The following CACNG2 variants were observed in gnomAD, a reference collection of about 807,000 sequenced individuals.
CACNG2 encodes the protein voltage-dependent calcium channel gamma-2 subunit.
CACNG2 carries 3 observed loss-of-function variants against 25.9 expected under a neutral mutation model. The ratio of observed to expected loss-of-function variants is 0.12; its 90% CI spans 0.05 to 0.30. CACNG2 has a LOEUF of 0.30. CACNG2 is among the 10% of genes least tolerant of loss of function. The probability of loss-of-function intolerance (pLI) is 1.00; values close to 1 mark genes in which losing one functional copy is unlikely to be tolerated. For missense variants in CACNG2, 341 were observed against 432.5 expected, an observed-to-expected ratio of 0.79 and a Z score of 1.88; for synonymous variants, 167 against 173.3, an observed-to-expected ratio of 0.96 and a Z score of 0.29.
chr22:36,614,903 G>A (rs971864063), intron 1 of CACNG2, among the ~76,000 whole-genome samples: 2 of 152,280 alleles, frequency 1.3e-5, no homozygotes, highest in Non-Finnish European at 2.9e-5. Context: ...AAGAAGCTTC[G>A]GAGTCTGGGG....
intron 1 of CACNG2, among the ~76,000 whole-genome samples, chr22:36,684,031 T>C (rs1937163682): frequency 6.6e-6 from 1 of 152,156 alleles, no homozygotes. Context: ...GTCTCTTTTA[T>C]CACCTAAAGA....
intron 1 of CACNG2, among the ~76,000 whole-genome samples, chr22:36,607,379 C>A (rs1193942088): frequency 6.6e-6 from 1 of 152,122 alleles, no homozygotes; most frequent in Non-Finnish European, 1.5e-5. Context: ...TCTCAGCCTC[C>A]TGAGTAGCTG....
intron 1 of CACNG2, among the ~76,000 whole-genome samples, chr22:36,662,372 A>G (rs180688140): frequency 3.3e-5 from 5 of 152,318 alleles, no homozygotes; most frequent in Admixed American, 2.6e-4. Flanking sequence ...CAGAGCGATC[A>G]GTGATCTGCC....
intron 1 of CACNG2, among the ~76,000 whole-genome samples, chr22:36,692,236 C>T (rs192336669): frequency 3.1e-4 from 47 of 152,256 alleles, no homozygotes; most frequent in African/African-American, 1.1e-3. Flanking sequence ...CAACCATGCA[C>T]CTGGGATCTT....
At chr22:36,577,701 G>C (rs147946754) in intron 2 of CACNG2, among the ~76,000 whole-genome samples, 1 of 151,534 alleles carries the variant, frequency 6.6e-6, no homozygotes, top group Non-Finnish European at 1.5e-5. Context: ...AGAAACTGCC[G>C]GCCAGTGTGC....
intron 1 of CACNG2, among the ~76,000 whole-genome samples, chr22:36,668,810 A>C (rs959235841): frequency 6.6e-6 from 1 of 152,090 alleles, no homozygotes; most frequent in Admixed American, 6.5e-5. Context: ...GCCGGGTGTA[A>C]GTCTTGCTCT....
intron 1 of CACNG2, among the ~76,000 whole-genome samples, chr22:36,625,913 A>G (rs1936176732): frequency 6.6e-6 from 1 of 152,102 alleles, no homozygotes; most frequent in African/African-American, 2.4e-5. Context: ...CTGGTTTTGC[A>G]TTGACACCTT....
intron 1 of CACNG2, among the ~76,000 whole-genome samples, chr22:36,691,113 A>G (rs1267244776): frequency 6.6e-6 from 1 of 152,222 alleles, no homozygotes; most frequent in African/African-American, 2.4e-5. Context: ...GAAATAGATG[A>G]GGGAACTCAT....
intron 2 of CACNG2, among the ~76,000 whole-genome samples, chr22:36,573,595 G>T (rs990068948): frequency 2.0e-5 from 3 of 152,204 alleles, no homozygotes; most frequent in Non-Finnish European, 2.9e-5. Flanking sequence ...GCCTCCCAAA[G>T]TGCCGGGAGT....
At chr22:36,687,685 A>C (rs1437598463) in intron 1 of CACNG2, among the ~76,000 whole-genome samples, 8 of 152,232 alleles carry the variant, frequency 5.3e-5, no homozygotes, top group African/African-American at 1.9e-4. Context: ...GCTGCTAATC[A>C]GCGGACTGTA....
intron 1 of CACNG2, among the ~76,000 whole-genome samples, chr22:36,662,234 G>A (rs1334439659): frequency 9.9e-5 from 15 of 151,794 alleles, no homozygotes; most frequent in Admixed American, 6.6e-5. Context: ...CTCCTGCCTC[G>A]TCCTCCCAAA....
At chr22:36,621,180 A>G (rs1208100154) in intron 1 of CACNG2, among the ~76,000 whole-genome samples, 2 of 152,236 alleles carry the variant, frequency 1.3e-5, no homozygotes, top group African/African-American at 4.8e-5. Context: ...AATGAATTCC[A>G]TCCCTAATGT....
chr22:36,564,080 G>A lies in CACNG2; in HGVS notation c.*271C>T. On this transcript the variant is annotated 3_prime_UTR_variant, in exon 4 of 4. Transcript: ENST00000300105. The surrounding 1 kb of genome is among the most constrained non-coding windows in gnomAD (Gnocchi z 6.7). Reference sequence around the variant, plus strand: ...TCCCTCTCGCTTTTTTTTAAAGTTTGTTTTCTTCCCTCGTTTATATTTTCC... The same window carrying A: ...TCCCTCTCGCTTTTTTTTAAAGTTTATTTTCTTCCCTCGTTTATATTTTCC... 1 of 324,726 alleles carries A rather than the reference G, an allele frequency of 3.1e-6. No individual in the cohort carries two copies. Among genetic ancestry groups the A allele is most frequent in the Non-Finnish European group, 5.5e-6 (1 of 180,960 alleles). 20.1% of individuals were successfully genotyped at this position (324,726 alleles called of 1,614,324 possible). A position where few individuals can be genotyped will look rare whatever the true frequency, so the allele number is the denominator to read the frequency against.
chr22:36,607,833 C>T (rs1277619458), intron 1 of CACNG2, among the ~76,000 whole-genome samples: 2 of 152,194 alleles, frequency 1.3e-5, no homozygotes, highest in African/African-American at 2.4e-5. Flanking sequence ...TCAGCTCTGA[C>T]TCTGCCATCA....
At chr22:36,640,265 T>C (rs1444198461) in intron 1 of CACNG2, among the ~76,000 whole-genome samples, 1 of 152,252 alleles carries the variant, frequency 6.6e-6, no homozygotes, top group Non-Finnish European at 1.5e-5. Context: ...AGAAGCCTGC[T>C]GTGTCCACAG....
intron 1 of CACNG2, among the ~76,000 whole-genome samples, chr22:36,696,758 G>A (rs1317251972): frequency 1.3e-5 from 2 of 152,192 alleles, no homozygotes; most frequent in Admixed American, 1.3e-4. Flanking sequence ...GTTGTTGATT[G>A]CAATTTCAAA....
At position 36,610,454 on chromosome 22, in the gene CACNG2, G is replaced by T. The variant is rs143770063; in HGVS notation, c.212-22906C>A. On this transcript the variant is annotated intron_variant, in intron 1 of 3. Coordinates refer to ENST00000300105, the MANE Select transcript of CACNG2 (RefSeq NM_006078.5). ...GTCCCTGGGACAAGTGTAAAGAGTG[G>T]TATTGAGACTACAAAGCTGAGGGCA... Among the ~76,000 whole-genome samples the T allele has an allele frequency of 6.6e-4, 101 of 152,348 alleles. No homozygotes were observed. The East Asian group carries it at 0.014, about 21-fold the overall frequency.
At chr22:36,617,244 G>T (rs1435364090) in intron 1 of CACNG2, among the ~76,000 whole-genome samples, 1 of 152,168 alleles carries the variant, frequency 6.6e-6, no homozygotes, top group East Asian at 1.9e-4. Flanking sequence ...GATCTATCTG[G>T]ATAGATGTTC....
chr22:36,693,374 C>T (rs1937291818), intron 1 of CACNG2, among the ~76,000 whole-genome samples: 1 of 152,096 alleles, frequency 6.6e-6, no homozygotes, highest in Non-Finnish European at 1.5e-5. Flanking sequence ...CTCCCTTCTC[C>T]CCTTTACTCT....
Sources: gnomAD v4.1 joint callset for allele counts (sites outside exome capture counted in the v4.1 genomes callset) on GRCh38, gnomAD v4.1.1 for gene constraint, Gnocchi (gnomAD v3.1) non-coding constraint, MANE v1.5 for transcripts, NCBI Gene and HGNC (gene_info 2026-07-23, HGNC 2026-07-21) for gene names.